UNC80: variants seen among roughly 807,000 people sequenced by gnomAD.
UNC80 encodes the protein unc-80 subunit of NALCN channel complex, also known as protein unc-80 homolog.
In UNC80, 164 loss-of-function variants were observed where a neutral mutation model predicts 384.6. The observed-to-expected ratio is 0.43, with a 90% CI of 0.38 to 0.49. The LOEUF (loss-of-function observed/expected upper bound fraction) is 0.49, where lower values mean the gene tolerates loss of function less well. UNC80 is among the 20% of genes least tolerant of loss of function. The pLI is 0.00. For synonymous variants in UNC80, 1,486 were observed against 1,527.8 expected, an observed-to-expected ratio of 0.97 and a Z score of 0.64; for missense variants, 3,330 against 4,143.0, an observed-to-expected ratio of 0.80 and a Z score of 5.39.
At chr2:209,911,715 T>C (rs1045509327) in intron 29 of UNC80, among the ~76,000 whole-genome samples, 1 of 152,188 alleles carries the variant, frequency 6.6e-6, no homozygotes, top group Non-Finnish European at 1.5e-5. Flanking sequence ...GAGCATTTAT[T>C]CTGTTTGAGG....
chr2:209,799,025 T>TAA (rs2078360640), intron 7 of UNC80, among the ~76,000 whole-genome samples: 1 of 150,688 alleles, frequency 6.6e-6, no homozygotes, highest in Non-Finnish European at 1.5e-5. Context: ...ATATACAATT[T>TAA]AAAATAAATT....
intron 26 of UNC80, among the ~76,000 whole-genome samples, chr2:209,890,492 ACAAG>A (rs2086228662): frequency 1.3e-5 from 2 of 152,312 alleles, no homozygotes; most frequent in Admixed American, 1.3e-4. Context: ...TTTCACACAG[ACAAG>A]CAATAACAAA....
intron 6 of UNC80, among the ~76,000 whole-genome samples, chr2:209,792,822 C>T (rs988018675): frequency 6.6e-5 from 10 of 152,134 alleles, no homozygotes; most frequent in Admixed American, 2.0e-4. Flanking sequence ...CTATTGGACA[C>T]GCTTCTCTGA....
intron 7 of UNC80, chr2:209,809,101 C>T (rs938939218): frequency 5.7e-6 from 3 of 525,748 alleles, no homozygotes; most frequent in Admixed American, 3.0e-5. Context: ...CCCCAGCCCA[C>T]GTTCACAGCC....
At chr2:209,938,710 C>CTCTCTGTGTGTG (rs1491352008) in intron 42 of UNC80, among the ~76,000 whole-genome samples, 3 of 83,384 alleles carry the variant, frequency 3.6e-5, no homozygotes, top group Admixed American at 2.3e-4. Flanking sequence ...CTCTCTCTCT[C>CTCTCTGTGTGTG]TGTGTGTGTG....
At chr2:209,846,337 CA>C in intron 21 of UNC80, among the ~76,000 whole-genome samples, 1 of 152,094 alleles carries the variant, frequency 6.6e-6, no homozygotes, top group Non-Finnish European at 1.5e-5. Context: ...TTTTCATATT[CA>C]CTGAAATTAT....
chr2:209,812,584 T>G (rs1266010519), intron 7 of UNC80, among the ~76,000 whole-genome samples: 6 of 152,210 alleles, frequency 3.9e-5, no homozygotes. Context: ...ATCTCTCTTT[T>G]GCATCACCTA....
chr2:209,799,250 G>A (rs1450855618), intron 7 of UNC80, among the ~76,000 whole-genome samples: 2 of 151,950 alleles, frequency 1.3e-5, no homozygotes, highest in Non-Finnish European at 2.9e-5. Context: ...TTATTTCCCT[G>A]AGCAGTGGTT....
Position 209,801,046 on chromosome 2 carries a change from A to G in UNC80, c.938+7187A>G, listed in dbSNP as rs1348980734. Among the ~76,000 whole-genome samples the G allele has an allele frequency of 2.0e-5, 3 of 152,138 alleles. No individual in the cohort carries two copies. In the East Asian group the frequency reaches 5.8e-4, roughly 29 times the overall value. On this transcript the variant is annotated intron_variant, in intron 7 of 64. Coordinates refer to ENST00000673920, the MANE Select transcript of UNC80 (RefSeq NM_001371986.1). ...AATATTCTGTTGACTTGGGGTAGAGAGTTCTGTAAACGTCTACTAAGTCTG... is the reference window on the plus strand; with the variant it reads ...AATATTCTGTTGACTTGGGGTAGAGGGTTCTGTAAACGTCTACTAAGTCTG...
At chr2:209,853,460 G>T (rs1055219361) in intron 22 of UNC80, among the ~76,000 whole-genome samples, 3 of 151,686 alleles carry the variant, frequency 2.0e-5, no homozygotes, top group Non-Finnish European at 2.9e-5. Flanking sequence ...TTTTATTATT[G>T]CTATGACCAC....
At chr2:209,880,837 A>G in intron 24 of UNC80, 124 bp from the exon 25 acceptor site, 1 of 880,160 alleles carries the variant, frequency 1.1e-6, no homozygotes, top group Non-Finnish European at 1.7e-6. Flanking sequence ...GATGTTGGAC[A>G]TATATAGGTA....
intron 7 of UNC80, among the ~76,000 whole-genome samples, chr2:209,803,644 C>T (rs528715318): frequency 2.0e-4 from 30 of 152,272 alleles, no homozygotes; most frequent in African/African-American, 6.7e-4. Flanking sequence ...TTACATTCTG[C>T]CTTCTTAATG....
rs961551146 is a variant in UNC80, at chr2:209,817,014, G to T, written c.1441G>T (p.Asp481Tyr). ...GGGAGTGCCCTTCCTGCTTCACGAGGACCACCTGGATGTGTCCCCCACGCG... is the reference window on the plus strand; with the variant it reads ...GGGAGTGCCCTTCCTGCTTCACGAGTACCACCTGGATGTGTCCCCCACGCG... The part of the protein sequence containing the change: ...RMGVPFLLHE[D>Y]HLDVSPTRST... The change falls in exon 10 of 65, where the codon GAC (aspartate) becomes TAC (tyrosine). Residue 481 changes from aspartate (D) to tyrosine (Y), a missense_variant. Transcript: ENST00000673920. The T allele has an allele frequency of 6.4e-7, 1 of 1,551,658 alleles. No individual in the cohort carries two copies. The highest frequency in any genetic ancestry group is 8.7e-7 in the Non-Finnish European group (1 of 1,146,986).
intron 7 of UNC80, chr2:209,808,808 C>G: frequency 3.3e-5 from 1 of 30,166 alleles, no homozygotes; most frequent in Non-Finnish European, 5.3e-5. Flanking sequence ...GCCACCATGC[C>G]GCGCTCTTTC....
chr2:209,912,538 T>G lies in UNC80; in HGVS notation c.4783-22T>G, dbSNP rs998218177. The stretch of plus-strand genomic sequence containing the variant: ...TTTTAGAAAACACATCACTCTTCAT[T>G]ACATATCCCTGGTCTTTTCAGTGCT... On this transcript the variant is annotated intron_variant, in intron 29 of 64. Coordinates refer to ENST00000673920, the MANE Select transcript of UNC80 (RefSeq NM_001371986.1). 6.6e-6 allele frequency: 10 copies of G among 1,506,150 alleles called. No homozygotes were observed. The African/African-American group carries it at 1.3e-4, about 19-fold the overall frequency. 93.3% of individuals were successfully genotyped at this position (1,506,150 alleles called of 1,614,324 possible). A position where few individuals can be genotyped will look rare whatever the true frequency, so the allele number is the denominator to read the frequency against.
chr2:209,847,323 C>T (rs1323304908), intron 21 of UNC80, among the ~76,000 whole-genome samples: 1 of 150,860 alleles, frequency 6.6e-6, no homozygotes, highest in Non-Finnish European at 1.5e-5. Flanking sequence ...ATATTTCATA[C>T]AGTACTTGGG....
chr2:209,907,156 T>C (rs1383339104), intron 29 of UNC80, among the ~76,000 whole-genome samples: 1 of 152,142 alleles, frequency 6.6e-6, no homozygotes, highest in African/African-American at 2.4e-5. Flanking sequence ...AATTGTATTT[T>C]ACTCATGTTT....
In UNC80 at chr2:209,935,819, CTT is replaced by C; in HGVS notation, c.6273+14_6273+15del. ...GAAGCCCTGTTGAAGGTAGGAATGA[CTT>C]TTAACAGAAACAATTTTTAAGGACA... is the stretch of plus-strand genomic sequence containing the variant. On this transcript the variant is annotated intron_variant, in intron 40 of 64. Coordinates refer to ENST00000673920, the MANE Select transcript of UNC80 (RefSeq NM_001371986.1). 2 of 1,517,826 alleles carry C rather than the reference CTT, an allele frequency of 1.3e-6. No homozygotes were observed. The highest frequency in any genetic ancestry group is 1.8e-6 in the Non-Finnish European group (2 of 1,126,158). The allele number at this position is 1,517,826 out of a possible 1,614,324, so 94.0% of individuals were successfully genotyped here. A position where few individuals can be genotyped will look rare whatever the true frequency, so the allele number is the denominator to read the frequency against.
At chr2:209,807,709 G>A (rs1025786460) in intron 7 of UNC80, among the ~76,000 whole-genome samples, 3 of 146,464 alleles carry the variant, frequency 2.0e-5, no homozygotes, top group Middle Eastern at 3.4e-3. Flanking sequence ...TTTCTCACAT[G>A]TTAGTCTGCT....
Sources: gnomAD v4.1 joint callset for allele counts (sites outside exome capture counted in the v4.1 genomes callset) on GRCh38, gnomAD v4.1.1 for gene constraint, MANE v1.5 for transcripts, NCBI Gene and HGNC (gene_info 2026-07-23, HGNC 2026-07-21) for gene names.